The following PPARGC1A variants were observed in gnomAD, a reference collection of about 807,000 sequenced individuals.
PPARGC1A encodes the protein PPARG coactivator 1 alpha.
Under a neutral mutation model 88.7 loss-of-function variants are expected in PPARGC1A, and 25 were observed. The observed-to-expected ratio is 0.28, with a 90% confidence interval of 0.21 to 0.39. The LOEUF (loss-of-function observed/expected upper bound fraction) is 0.39, where lower values mean the gene tolerates loss of function less well. PPARGC1A is among the 10% of genes least tolerant of loss of function. The pLI is 1.00. For synonymous variants in PPARGC1A, 363 were observed against 355.6 expected, an observed-to-expected ratio of 1.02 and a Z score of -0.24; for missense variants, 880 against 968.7, an observed-to-expected ratio of 0.91 and a Z score of 1.22.
At chr4:24,197,030 C>T in the PPARGC1A span, among the ~76,000 whole-genome samples, 12,733 of 152,178 alleles carry the variant, frequency 0.084, 558 homozygotes, top group South Asian at 0.11. Context: ...AAAACTTACA[C>T]GGTGAAAGGT....
chr4:24,363,580 G>A, the PPARGC1A span, among the ~76,000 whole-genome samples: 1 of 152,150 alleles, frequency 6.6e-6, no homozygotes, highest in Non-Finnish European at 1.5e-5. Context: ...AGCACTCTTT[G>A]TCACAGTTAA....
chr4:24,030,544 A>G, the PPARGC1A span, among the ~76,000 whole-genome samples: 1 of 152,222 alleles, frequency 6.6e-6, no homozygotes, highest in African/African-American at 2.4e-5. Context: ...GAGATCATTA[A>G]TATTTCCCCG....
intron 1 of PPARGC1A, among the ~76,000 whole-genome samples, chr4:23,886,131 G>A (rs1014977202): frequency 2.0e-5 from 3 of 152,138 alleles, no homozygotes; most frequent in Non-Finnish European, 4.4e-5. Flanking sequence ...CTGTAAGTGG[G>A]GGTGTCTAAA....
the PPARGC1A span, among the ~76,000 whole-genome samples, chr4:24,291,074 C>G: frequency 2.6e-4 from 40 of 152,304 alleles, no homozygotes; most frequent in Non-Finnish European, 5.3e-4. Flanking sequence ...CTTTCTATCT[C>G]TCAGATCATC....
chr4:24,353,317 G>A, the PPARGC1A span, among the ~76,000 whole-genome samples: 10 of 149,468 alleles, frequency 6.7e-5, no homozygotes, highest in Admixed American at 6.7e-5. Context: ...GCCGAGCATA[G>A]AAGGGAACTG....
At chr4:24,409,039 G>T in the PPARGC1A span, among the ~76,000 whole-genome samples, 1 of 152,014 alleles carries the variant, frequency 6.6e-6, no homozygotes, top group Non-Finnish European at 1.5e-5. Context: ...GCTTGCCCAC[G>T]TGCTGCTAAG....
chr4:23,876,299 G>A (rs1714677905), intron 2 of PPARGC1A, among the ~76,000 whole-genome samples: 1 of 152,152 alleles, frequency 6.6e-6, no homozygotes, highest in Admixed American at 6.5e-5. Flanking sequence ...TTATAGTGCT[G>A]GAGCATACCC....
chr4:23,971,094 C>A, the PPARGC1A span, among the ~76,000 whole-genome samples: 4 of 152,182 alleles, frequency 2.6e-5, no homozygotes, highest in South Asian at 6.2e-4. Flanking sequence ...CAAGCTAGAC[C>A]CAGGTTAATT....
chr4:23,898,039 T>A (rs1718819326), intron 1 of PPARGC1A, among the ~76,000 whole-genome samples: 1 of 152,166 alleles, frequency 6.6e-6, no homozygotes, highest in Non-Finnish European at 1.5e-5. Flanking sequence ...GTTTTGTAAA[T>A]AAGAATAAGG....
upstream of PPARGC1A, among the ~76,000 whole-genome samples, chr4:23,903,609 G>A (rs1388591464): frequency 6.6e-6 from 1 of 152,066 alleles, no homozygotes; most frequent in Non-Finnish European, 1.5e-5. Context: ...ATTTCCTTAA[G>A]GAGCTACATT....
intron 1 of PPARGC1A, chr4:23,888,999 A>G: frequency 2.0e-6 from 2 of 985,404 alleles, no homozygotes; most frequent in Non-Finnish European, 2.4e-6. Flanking sequence ...TTCCGAGAGC[A>G]TTCCATTGTG....
the PPARGC1A span, among the ~76,000 whole-genome samples, chr4:24,075,403 CAA>C: frequency 1.2e-4 from 19 of 152,086 alleles, no homozygotes; most frequent in Non-Finnish European, 2.6e-4. Context: ...AGGTAATTCT[CAA>C]AACTTTCATA....
At chr4:24,197,166 T>A in the PPARGC1A span, among the ~76,000 whole-genome samples, 2 of 152,200 alleles carry the variant, frequency 1.3e-5, no homozygotes, top group African/African-American at 4.8e-5. Flanking sequence ...AAGTTAGTAT[T>A]AGCCACCCAA....
the PPARGC1A span, among the ~76,000 whole-genome samples, chr4:24,338,313 T>A: frequency 1.3e-5 from 2 of 152,200 alleles, no homozygotes; most frequent in Admixed American, 6.5e-5. Context: ...TTGTGGCCTC[T>A]TCCAATGAAG....
chr4:23,935,876 T>TA, the PPARGC1A span, among the ~76,000 whole-genome samples: 44 of 147,400 alleles, frequency 3.0e-4, no homozygotes, highest in Middle Eastern at 7.0e-3. Flanking sequence ...ACATGAACCT[T>TA]AAAAAAAAAA....
chr4:24,064,641 A>T, the PPARGC1A span, among the ~76,000 whole-genome samples: 1 of 152,068 alleles, frequency 6.6e-6, no homozygotes, highest in African/African-American at 2.4e-5. Flanking sequence ...CTCCCCCAGA[A>T]ACCCCCAGCA....
chr4:24,074,374 CT>C, the PPARGC1A span, among the ~76,000 whole-genome samples: 11 of 152,276 alleles, frequency 7.2e-5, no homozygotes, highest in African/African-American at 2.2e-4. Flanking sequence ...TAAATGTAAA[CT>C]ACCACACACA....
chr4:23,844,521 ACAT>A (rs558146910), intron 2 of PPARGC1A, among the ~76,000 whole-genome samples: 7,182 of 117,726 alleles, frequency 0.061, 246 homozygotes, highest in African/African-American at 0.085. Flanking sequence ...TATAATAATC[ACAT>A]AATATAATCA....
At chr4:23,811,434 C>T (rs1720878537) in intron 10 of PPARGC1A, among the ~76,000 whole-genome samples, 1 of 152,198 alleles carries the variant, frequency 6.6e-6, no homozygotes, top group South Asian at 2.1e-4. Flanking sequence ...AGCAGCTGCA[C>T]TGAATAAAAG....
Sources: gnomAD v4.1 joint callset for allele counts (sites outside exome capture counted in the v4.1 genomes callset) on GRCh38, gnomAD v4.1.1 for gene constraint, MANE v1.5 for transcripts, NCBI Gene and HGNC (gene_info 2026-07-23, HGNC 2026-07-21) for gene names.